The following FUT8 variants were observed in gnomAD, a reference collection of about 807,000 sequenced individuals.
FUT8 encodes alpha-(1,6)-fucosyltransferase.
Under a neutral mutation model 71.3 loss-of-function variants are expected in FUT8, and 29 were observed. That is an observed-to-expected ratio of 0.41 (90% CI 0.30 to 0.55). The LOEUF (loss-of-function observed/expected upper bound fraction) is 0.55, where lower values mean the gene tolerates loss of function less well. Ranked by LOEUF, FUT8 falls within the 20% of genes least tolerant of loss-of-function variation. The probability of loss-of-function intolerance (pLI) is 0.34; values close to 1 mark genes in which losing one functional copy is unlikely to be tolerated. For missense variants in FUT8, 544 were observed against 702.1 expected (o/e 0.77, Z 2.55); for synonymous variants, 254 against 239.3 (o/e 1.06, Z -0.57).
intron 2 of FUT8, among the ~76,000 whole-genome samples, chr14:65,545,035 G>A (rs902103107): frequency 1.1e-4 from 15 of 138,764 alleles, no homozygotes; most frequent in African/African-American, 2.4e-4. Flanking sequence ...TCTCTTTTTC[G>A]TTGTCTTCAT....
chr14:65,577,721 C>T (rs12880957), intron 3 of FUT8, among the ~76,000 whole-genome samples: 2 of 152,090 alleles, frequency 1.3e-5, no homozygotes, highest in African/African-American at 4.8e-5. Flanking sequence ...CACTTAACCT[C>T]TTTGGGTCTA....
chr14:65,459,459 G>A (rs1172204835), intron 2 of FUT8, among the ~76,000 whole-genome samples: 1 of 152,028 alleles, frequency 6.6e-6, no homozygotes, highest in Non-Finnish European at 1.5e-5. Flanking sequence ...GTCTTGTACC[G>A]TTTAAATGGT....
chr14:65,685,181 C>T (rs1477664657), intron 7 of FUT8, among the ~76,000 whole-genome samples: 1 of 152,102 alleles, frequency 6.6e-6, no homozygotes. Flanking sequence ...ACTTATTTTA[C>T]AGTCTTTTAT....
In FUT8 at chr14:65,576,696, C is replaced by CTTTTTTTTTTTTTTTT. The variant is rs376473739; in HGVS notation, c.203+14956_203+14971dup. 7.3e-5 allele frequency among the ~76,000 whole-genome samples: 7 copies of CTTTTTTTTTTTTTTTT among 96,210 alleles called. 1 individual carries two copies. Among genetic ancestry groups the CTTTTTTTTTTTTTTTT allele is most frequent in the South Asian group, 4.0e-4 (1 of 2,528 alleles). 63.1% of individuals were successfully genotyped at this position (96,210 alleles called of 152,430 possible). A position where few individuals can be genotyped will look rare whatever the true frequency, so the allele number is the denominator to read the frequency against. ...GGTGTGTGCCATGATGCCCAGCTTG[C>CTTTTTTTTTTTTTTTT]TTTTTTTTTTTTTTTTTTTTTTTTT... On this transcript the variant is annotated intron_variant, in intron 3 of 10. Transcript: ENST00000673929.
rs376473739 is a variant in FUT8, at chr14:65,576,696, C to CTTTTTTTTTTT, written c.203+14961_203+14971dup. 2.6e-4 allele frequency among the ~76,000 whole-genome samples: 25 copies of CTTTTTTTTTTT among 96,210 alleles called. 1 individual carries two copies. Among genetic ancestry groups the CTTTTTTTTTTT allele is most frequent in the African/African-American group, 3.8e-4 (6 of 15,908 alleles). The allele number at this position is 96,210 out of a possible 152,430, so 63.1% of individuals were successfully genotyped here. A position where few individuals can be genotyped will look rare whatever the true frequency, so the allele number is the denominator to read the frequency against. ...GGTGTGTGCCATGATGCCCAGCTTG[C>CTTTTTTTTTTT]TTTTTTTTTTTTTTTTTTTTTTTTT... On this transcript the variant is annotated intron_variant, in intron 3 of 10. Coordinates refer to ENST00000673929, the MANE Select transcript of FUT8 (RefSeq NM_001371533.1).
At chr14:65,374,473 C>G in the FUT8 span, among the ~76,000 whole-genome samples, 1 of 152,180 alleles carries the variant, frequency 6.6e-6, no homozygotes. Context: ...GTAACTCTGA[C>G]TGATATGAGT....
chr14:65,400,655 G>A, the FUT8 span, among the ~76,000 whole-genome samples: 5 of 152,322 alleles, frequency 3.3e-5, no homozygotes, highest in Admixed American at 1.3e-4. Flanking sequence ...GGAGGTTTGG[G>A]AGGGAGGATT....
chr14:65,722,794 A>C (rs1234292704), intron 8 of FUT8, among the ~76,000 whole-genome samples: 1 of 152,202 alleles, frequency 6.6e-6, no homozygotes, highest in Non-Finnish European at 1.5e-5. Flanking sequence ...AAAGCAAAGA[A>C]TAGCCGTGAA....
chr14:65,693,055 C>G (rs566117336), intron 7 of FUT8, among the ~76,000 whole-genome samples: 1,826 of 151,598 alleles, frequency 0.012, 14 homozygotes, highest in South Asian at 0.024. Context: ...TCCTCACATC[C>G]CAGACAATGG....
intron 1 of FUT8, among the ~76,000 whole-genome samples, chr14:65,433,408 A>C (rs1458790385): frequency 6.6e-6 from 1 of 152,154 alleles, no homozygotes; most frequent in African/African-American, 2.4e-5. Context: ...GCTTATTAGG[A>C]GTGTGCTATG....
At chr14:65,371,379 G>A in the FUT8 span, among the ~76,000 whole-genome samples, 8 of 152,162 alleles carry the variant, frequency 5.3e-5, no homozygotes, top group East Asian at 1.9e-4. Flanking sequence ...GGAAATTAAC[G>A]TTGATGTATT....
At chr14:65,723,282 G>GC (rs1418983460) in intron 8 of FUT8, among the ~76,000 whole-genome samples, 2 of 151,580 alleles carry the variant, frequency 1.3e-5, no homozygotes, top group Non-Finnish European at 2.9e-5. Context: ...CCATAATCAC[G>GC]CCACTGCACT....
chr14:65,652,473 A>G lies in FUT8; in HGVS notation c.598-16770A>G, dbSNP rs1008564046. 2.0e-5 allele frequency among the ~76,000 whole-genome samples: 3 copies of G among 152,196 alleles called. No individual in the cohort carries two copies. The highest frequency in any genetic ancestry group is 7.2e-5 in the African/African-American group (3 of 41,466). ...TATGATGTGAGAAGCTTGAGAGGAC[A>G]TGATGCTTTGGAGCTGTTACAACCA... is the stretch of plus-strand genomic sequence containing the variant. On this transcript the variant is annotated intron_variant, in intron 6 of 10. Coordinates refer to ENST00000673929, the MANE Select transcript of FUT8 (RefSeq NM_001371533.1). The surrounding 1 kb of genome is among the most constrained non-coding windows in gnomAD (Gnocchi z 4.0).
chr14:65,381,512 T>G, the FUT8 span, among the ~76,000 whole-genome samples: 1 of 152,210 alleles, frequency 6.6e-6, no homozygotes, highest in East Asian at 1.9e-4. Flanking sequence ...GTGGTAAAAT[T>G]TCAGTATGGT....
At chr14:65,454,237 A>G (rs2065867246) in intron 1 of FUT8, among the ~76,000 whole-genome samples, 1 of 152,368 alleles carries the variant, frequency 6.6e-6, no homozygotes, top group East Asian at 1.9e-4. Context: ...TGCTGACTTT[A>G]GACTTGATGG....
chr14:65,663,494 A>G (rs1892068175), intron 6 of FUT8, among the ~76,000 whole-genome samples: 1 of 151,852 alleles, frequency 6.6e-6, no homozygotes. Flanking sequence ...GTTATTTTGA[A>G]TTTTCCAGAC....
Position 65,742,468 on chromosome 14 carries a change from A to G in FUT8, c.*58A>G. 6.8e-7 allele frequency: 1 copy of G among 1,471,834 alleles called. No individual in the cohort carries two copies. The allele number at this position is 1,471,834 out of a possible 1,614,324, so 91.2% of individuals were successfully genotyped here. ...AGTTCGACCAAACTCAGTTCAAACC[A>G]TTTCAGCCAAACTGTAGATGAAGAG... is the stretch of plus-strand genomic sequence containing the variant. On this transcript the variant is annotated 3_prime_UTR_variant, in exon 11 of 11. Coordinates refer to ENST00000673929, the MANE Select transcript of FUT8 (RefSeq NM_001371533.1).
At chr14:65,450,483 C>G (rs947278505) in intron 1 of FUT8, among the ~76,000 whole-genome samples, 2 of 152,108 alleles carry the variant, frequency 1.3e-5, no homozygotes, top group African/African-American at 4.8e-5. Context: ...TTGTAACGTT[C>G]GACTGAATTC....
intron 6 of FUT8, among the ~76,000 whole-genome samples, chr14:65,650,888 C>G (rs1891376432): frequency 6.6e-6 from 1 of 152,074 alleles, no homozygotes; most frequent in African/African-American, 2.4e-5. Flanking sequence ...GATATCTATC[C>G]AGTTGCAGTC....
Sources: gnomAD v4.1 joint callset for allele counts (sites outside exome capture counted in the v4.1 genomes callset) on GRCh38, gnomAD v4.1.1 for gene constraint, Gnocchi (gnomAD v3.1) non-coding constraint, MANE v1.5 for transcripts, NCBI Gene and HGNC (gene_info 2026-07-23, HGNC 2026-07-21) for gene names.